Variants in FREM2 observed in about 807,000 individuals in gnomAD.
FREM2 encodes FRAS1 related extracellular matrix 2.
Under a neutral mutation model 219.9 loss-of-function variants are expected in FREM2, and 119 were observed. The ratio of observed to expected loss-of-function variants is 0.54; its 90% confidence interval spans 0.47 to 0.63. FREM2 has a LOEUF of 0.63. Ranked by LOEUF, FREM2 falls within the 30% of genes least tolerant of loss-of-function variation. FREM2 has a pLI of 0.00. For synonymous variants in FREM2, 1,562 were observed against 1,522.8 expected (o/e 1.03, Z -0.60); for missense variants, 4,030 against 3,993.6 (o/e 1.01, Z -0.25).
intron 10 of FREM2, 52 bp downstream of exon 10, chr13:38,851,160 G>A (rs1877356857): frequency 1.3e-6 from 2 of 1,588,066 alleles, no homozygotes; most frequent in East Asian, 4.5e-5. Flanking sequence ...CTAAAATCCA[G>A]CCAAGTCAAG....
chr13:38,825,382 T>G (rs1352361886), intron 6 of FREM2, among the ~76,000 whole-genome samples: 1 of 152,046 alleles, frequency 6.6e-6, no homozygotes, highest in Non-Finnish European at 1.5e-5. Context: ...TATTACTTAC[T>G]GTTTTTATAA....
At chr13:38,770,734 G>A (rs1262593251) in intron 4 of FREM2, among the ~76,000 whole-genome samples, 1 of 113,106 alleles carries the variant, frequency 8.8e-6, no homozygotes, top group African/African-American at 3.4e-5. Context: ...ACATTTTCTT[G>A]TCAATGCACA....
At chr13:38,782,663 T>C (rs1191518684) in intron 4 of FREM2, among the ~76,000 whole-genome samples, 1 of 152,248 alleles carries the variant, frequency 6.6e-6, no homozygotes, top group Non-Finnish European at 1.5e-5. Context: ...TATGCGAGCC[T>C]GAGTTTCCTC....
At chr13:38,845,346 C>G (rs1204134716) in intron 6 of FREM2, among the ~76,000 whole-genome samples, 1 of 152,096 alleles carries the variant, frequency 6.6e-6, no homozygotes, top group Non-Finnish European at 1.5e-5. Flanking sequence ...TGTGGGAATT[C>G]AATTAGTTGC....
intron 2 of FREM2, among the ~76,000 whole-genome samples, chr13:38,704,273 G>GAATA (rs1308108528): frequency 3.9e-5 from 6 of 152,190 alleles, no homozygotes; most frequent in Admixed American, 3.9e-4. Context: ...ATACAGTGAT[G>GAATA]AATATTACAG....
At chr13:38,750,494 A>G (rs986397015) in intron 2 of FREM2, among the ~76,000 whole-genome samples, 3 of 152,188 alleles carry the variant, frequency 2.0e-5, no homozygotes, top group Non-Finnish European at 4.4e-5. Flanking sequence ...TCTACTATGT[A>G]TATAGAACAC....
At chr13:38,863,153 G>A (rs1015075391) in intron 15 of FREM2, among the ~76,000 whole-genome samples, 1 of 152,042 alleles carries the variant, frequency 6.6e-6, no homozygotes, top group Non-Finnish European at 1.5e-5. Flanking sequence ...GGGTTCAAGC[G>A]ATTCTCATGC....
In FREM2 at chr13:38,728,898, C is replaced by T. The variant is rs150275460; in HGVS notation, c.5263+31111C>T. Among the ~76,000 whole-genome samples the T allele has an allele frequency of 4.9e-3, 736 of 149,926 alleles. 14 individuals carry two copies. Among genetic ancestry groups the T allele is most frequent in the African/African-American group, 0.017 (680 of 40,798 alleles). The stretch of plus-strand genomic sequence containing the variant: ...TTGCCCAGGCTGGAGTGCAATGGCA[C>T]GATCTTGGCTCACCACAACCTCCGC... On this transcript the variant is annotated intron_variant, in intron 2 of 23. Coordinates refer to ENST00000280481, the MANE Select transcript of FREM2 (RefSeq NM_207361.6).
At position 38,687,650 on chromosome 13, in the gene FREM2, G is replaced by A. The variant is rs775779253; in HGVS notation, c.306G>A (p.Gly102=). Residue 102 remains glycine (G), a synonymous_variant, in exon 1 of 24, where the codon GGG becomes GGA. Transcript: ENST00000280481. ...ACCTGGTGTTGCAGGTGCAGCCCGGGGACCGCTGCGCGGTTTCGGTACTAG... is the reference window on the plus strand; with the variant it reads ...ACCTGGTGTTGCAGGTGCAGCCCGGAGACCGCTGCGCGGTTTCGGTACTAG... ...LHDLVLQVQP[G]DRCAVSVLDN... 5 of 1,607,088 alleles carry A rather than the reference G, an allele frequency of 3.1e-6. No individual in the cohort carries two copies. Among genetic ancestry groups the A allele is most frequent in the African/African-American group, 1.3e-5 (1 of 74,780 alleles).
chr13:38,768,172 A>G (rs918224414), intron 3 of FREM2, among the ~76,000 whole-genome samples: 1 of 152,332 alleles, frequency 6.6e-6, no homozygotes, highest in African/African-American at 2.4e-5. Flanking sequence ...GAATTTTTCA[A>G]AAGTATAATT....
intron 2 of FREM2, among the ~76,000 whole-genome samples, chr13:38,729,165 A>G (rs1459174350): frequency 6.6e-6 from 1 of 151,828 alleles, no homozygotes; most frequent in Non-Finnish European, 1.5e-5. Context: ...AGCATTTCTC[A>G]TACTTATTTG....
At chr13:38,809,315 T>A (rs75287069) in intron 6 of FREM2, among the ~76,000 whole-genome samples, 2,400 of 151,812 alleles carry the variant, frequency 0.016, 73 homozygotes, top group Admixed American at 0.058. Context: ...CTTTTTTTTT[T>A]AAATTTTTGC....
intron 16 of FREM2, among the ~76,000 whole-genome samples, chr13:38,869,332 G>A (rs1298573743): frequency 8.5e-5 from 13 of 152,192 alleles, no homozygotes; most frequent in Admixed American, 8.5e-4. Flanking sequence ...CAGCAATGAA[G>A]TGTGATTAAC....
At chr13:38,838,256 ATTC>A (rs1876799860) in intron 6 of FREM2, among the ~76,000 whole-genome samples, 1 of 152,132 alleles carries the variant, frequency 6.6e-6, no homozygotes, top group Non-Finnish European at 1.5e-5. Flanking sequence ...TGGGTTGAAA[ATTC>A]TTTTCTTTAA....
At chr13:38,800,232 T>G (rs1196390764) in intron 6 of FREM2, among the ~76,000 whole-genome samples, 1 of 152,160 alleles carries the variant, frequency 6.6e-6, no homozygotes, top group Non-Finnish European at 1.5e-5. Flanking sequence ...GAACATTTCT[T>G]GTAGGGCCAA....
chr13:38,729,250 T>G (rs1182163860), intron 2 of FREM2, among the ~76,000 whole-genome samples: 1 of 152,180 alleles, frequency 6.6e-6, no homozygotes, highest in Non-Finnish European at 1.5e-5. Context: ...ACACAGCTCA[T>G]GATTCACTCT....
chr13:38,829,249 A>G (rs1253033947), intron 6 of FREM2, among the ~76,000 whole-genome samples: 3 of 152,106 alleles, frequency 2.0e-5, no homozygotes, highest in African/African-American at 7.2e-5. Flanking sequence ...AGGCATCCAT[A>G]TTGGCATTCA....
At chr13:38,733,069 T>C (rs1354610783) in intron 2 of FREM2, among the ~76,000 whole-genome samples, 4 of 152,072 alleles carry the variant, frequency 2.6e-5, no homozygotes, top group Non-Finnish European at 5.9e-5. Context: ...TAGCAGATGA[T>C]AGTGAGAGGA....
At chr13:38,828,535 C>A (rs2137885614) in intron 6 of FREM2, among the ~76,000 whole-genome samples, 1 of 151,856 alleles carries the variant, frequency 6.6e-6, no homozygotes, top group African/African-American at 2.4e-5. Context: ...TAGAGAGACC[C>A]CAGCTATACA....
Sources: gnomAD v4.1 joint callset for allele counts (sites outside exome capture counted in the v4.1 genomes callset) on GRCh38, gnomAD v4.1.1 for gene constraint, MANE v1.5 for transcripts, NCBI Gene and HGNC (gene_info 2026-07-23, HGNC 2026-07-21) for gene names.